The following TTC27 variants were observed in gnomAD, a reference collection of about 807,000 sequenced individuals.
TTC27 encodes tetratricopeptide repeat protein 27.
Under a neutral mutation model 115.9 loss-of-function variants are expected in TTC27, and 79 were observed. That is an observed-to-expected ratio of 0.68 (90% CI 0.57 to 0.82). The LOEUF is 0.82. TTC27 is among the 40% of genes least tolerant of loss of function. The pLI is 0.00. For synonymous variants in TTC27, 401 were observed against 356.0 expected (o/e 1.13, Z -1.42); for missense variants, 1,054 against 993.1 (o/e 1.06, Z -0.82).
chr2:32,818,100 C>A (rs1305212683), intron 19 of TTC27, among the ~76,000 whole-genome samples: 1 of 151,842 alleles, frequency 6.6e-6, no homozygotes, highest in Non-Finnish European at 1.5e-5. Context: ...TACAATTCAG[C>A]CCTTAATGCT....
At position 32,672,299 on chromosome 2, in the gene TTC27, C is replaced by A; in HGVS notation, c.967C>A (p.Leu323Met). Residue 323 changes from leucine to methionine, a missense_variant, in exon 8 of 20, where the codon CTG (leucine) becomes ATG (methionine). By Grantham distance (15) the Leu-to-Met change is conservative (BLOSUM62 2). Coordinates refer to ENST00000317907, the MANE Select transcript of TTC27 (RefSeq NM_017735.5). ...TCTTGAGCTCAATGATGACACCATTCTGAATGACATAAAGTTAGCAGATTG... is the reference window on the plus strand; with the variant it reads ...TCTTGAGCTCAATGATGACACCATTATGAATGACATAAAGTTAGCAGATTG... Reference protein sequence around the residue: ...KNLELNDDTILNDIKLADCEQ... With the variant: ...KNLELNDDTIMNDIKLADCEQ... 6.2e-7 allele frequency: 1 copy of A among 1,613,780 alleles called. No homozygotes were observed. The highest frequency in any genetic ancestry group is 8.5e-7 in the Non-Finnish European group (1 of 1,179,752).
At chr2:32,658,146 T>TC (rs1201354234) in intron 5 of TTC27, among the ~76,000 whole-genome samples, 1 of 152,094 alleles carries the variant, frequency 6.6e-6, no homozygotes, top group Non-Finnish European at 1.5e-5. Flanking sequence ...AATTTTTTTT[T>TC]AGAGACTGCT....
intron 13 of TTC27, among the ~76,000 whole-genome samples, chr2:32,764,196 C>G (rs1467879157): frequency 6.6e-6 from 1 of 152,156 alleles, no homozygotes; most frequent in African/African-American, 2.4e-5. Flanking sequence ...CAACCAGTCA[C>G]TCACCTTTGT....
chr2:32,667,955 A>G (rs1370216551), intron 7 of TTC27, among the ~76,000 whole-genome samples: 2 of 151,382 alleles, frequency 1.3e-5, no homozygotes, highest in Admixed American at 6.6e-5. Flanking sequence ...TTGGGAGGCC[A>G]AGGTGGGTGC....
chr2:32,698,435 G>GTTATTATTATTATTATTA (rs372830080), intron 9 of TTC27, among the ~76,000 whole-genome samples: 20,258 of 145,260 alleles, frequency 0.14, 1,775 homozygotes, highest in South Asian at 0.24. Flanking sequence ...CAGCCATAAA[G>GTTATTATTATTATTATTA]TTATTATTAT....
At chr2:32,791,366 T>C (rs1670528850) in intron 16 of TTC27, among the ~76,000 whole-genome samples, 2 of 152,316 alleles carry the variant, frequency 1.3e-5, no homozygotes, top group African/African-American at 4.8e-5. Context: ...TCATTTGTTG[T>C]TTATATGTGG....
At chr2:32,820,659 A>G (rs1671665422) in intron 19 of TTC27, among the ~76,000 whole-genome samples, 157 bp from the exon 20 acceptor site, 1 of 152,200 alleles carries the variant, frequency 6.6e-6, no homozygotes, top group Admixed American at 6.5e-5. Context: ...TAGCTTGTAC[A>G]TTTCTTGGCT....
intron 3 of TTC27, among the ~76,000 whole-genome samples, chr2:32,636,647 G>C (rs371341497): frequency 7.3e-4 from 111 of 152,272 alleles, no homozygotes; most frequent in African/African-American, 2.3e-3. Flanking sequence ...ACATTTTCTG[G>C]TTCCAAATCC....
chr2:32,799,277 C>T (rs923642591), intron 16 of TTC27, among the ~76,000 whole-genome samples: 1 of 152,090 alleles, frequency 6.6e-6, no homozygotes, highest in African/African-American at 2.4e-5. Flanking sequence ...TTCAGTTTTA[C>T]AAGGTGAAAA....
intron 16 of TTC27, among the ~76,000 whole-genome samples, chr2:32,801,640 A>G (rs1480071612): frequency 6.6e-6 from 1 of 152,204 alleles, no homozygotes; most frequent in Non-Finnish European, 1.5e-5. Flanking sequence ...CAGGAAGAAA[A>G]CAGTTGTAGC....
intron 8 of TTC27, among the ~76,000 whole-genome samples, chr2:32,675,109 T>G (rs1666151793): frequency 6.6e-6 from 1 of 152,146 alleles, no homozygotes. Flanking sequence ...TTAACCCTCA[T>G]TAATAGTCTA....
intron 8 of TTC27, among the ~76,000 whole-genome samples, chr2:32,673,629 A>T (rs1361011193): frequency 6.6e-6 from 1 of 152,150 alleles, no homozygotes; most frequent in Non-Finnish European, 1.5e-5. Flanking sequence ...ACTACTGGTG[A>T]TGTTAACTTC....
chr2:32,737,500 C>A (rs1400459481), intron 12 of TTC27, among the ~76,000 whole-genome samples: 1 of 152,092 alleles, frequency 6.6e-6, no homozygotes, highest in African/African-American at 2.4e-5. Flanking sequence ...CAAATTGGAT[C>A]ATTTATACCT....
chr2:32,816,707 T>C (rs551149901), intron 18 of TTC27, among the ~76,000 whole-genome samples: 90 of 152,336 alleles, frequency 5.9e-4, no homozygotes, highest in Middle Eastern at 6.8e-3. Context: ...GGTCGCGTTC[T>C]CTACATGAAG....
chr2:32,803,639 G>C (rs1671033117), intron 16 of TTC27, among the ~76,000 whole-genome samples: 1 of 152,052 alleles, frequency 6.6e-6, no homozygotes, highest in Admixed American at 6.6e-5. Flanking sequence ...AGAAGGAGTT[G>C]GCAACTTGTG....
In TTC27 at chr2:32,777,980, T is replaced by C. The variant is rs1670054634; in HGVS notation, c.1779T>C (p.Asp593=). 7 of 1,614,048 alleles carry C rather than the reference T, an allele frequency of 4.3e-6. No homozygotes were observed. The highest frequency in any genetic ancestry group is 1.1e-5 in the South Asian group (1 of 91,072). ...AGCGCTGTGTGACTCTAGAACCCGA[T>C]GTAAGTTTGTTTGATCTTCTGTCCT... is the stretch of plus-strand genomic sequence containing the variant. ...AFQRCVTLEP[D]NAEAWNNLST... is the part of the protein sequence containing the mutation. Residue 593 remains aspartate, a splice_region_variant and synonymous_variant, in exon 14 of 20, where the codon GAT becomes GAC. Coordinates refer to ENST00000317907, the MANE Select transcript of TTC27 (RefSeq NM_017735.5).
At chr2:32,820,736 T>C in intron 19 of TTC27, 80 bp from the exon 20 acceptor site, 1 of 1,311,742 alleles carries the variant, frequency 7.6e-7, no homozygotes, top group East Asian at 2.7e-5. Flanking sequence ...AAAGGTTTTT[T>C]AACTCTATAC....
At chr2:32,695,503 G>C (rs12995871) in intron 9 of TTC27, among the ~76,000 whole-genome samples, 89,152 of 151,328 alleles carry the variant, frequency 0.59, 26,192 homozygotes, top group Middle Eastern at 0.7. Context: ...GGCAGATCAC[G>C]AGGTCAGGAG....
At chr2:32,740,565 C>T (rs1668597899) in intron 12 of TTC27, among the ~76,000 whole-genome samples, 1 of 152,070 alleles carries the variant, frequency 6.6e-6, no homozygotes, top group South Asian at 2.1e-4. Context: ...CTGCCATTCT[C>T]ACCCCAAGTA....
Sources: gnomAD v4.1 joint callset for allele counts (sites outside exome capture counted in the v4.1 genomes callset) on GRCh38, gnomAD v4.1.1 for gene constraint, MANE v1.5 for transcripts, NCBI Gene and HGNC (gene_info 2026-07-23, HGNC 2026-07-21) for gene names.